MACROD2: variants seen among roughly 807,000 people sequenced by gnomAD.
MACROD2 encodes ADP-ribose glycohydrolase MACROD2.
In MACROD2, 36 loss-of-function variants were observed where a neutral mutation model predicts 70.4. The ratio of observed to expected loss-of-function variants is 0.51; its 90% CI spans 0.39 to 0.68. MACROD2 has a LOEUF of 0.68. Ranked by LOEUF, MACROD2 falls within the 30% of genes least tolerant of loss-of-function variation. The pLI, the probability that MACROD2 is intolerant of heterozygous loss-of-function variation, is 0.00. For missense variants in MACROD2, 496 were observed against 538.4 expected, an observed-to-expected ratio of 0.92 and a Z score of 0.78; for synonymous variants, 172 against 178.8, an observed-to-expected ratio of 0.96 and a Z score of 0.30.
At chr20:14,391,145 T>C (rs998228257) in intron 3 of MACROD2, among the ~76,000 whole-genome samples, 7 of 152,222 alleles carry the variant, frequency 4.6e-5, no homozygotes, top group African/African-American at 1.4e-4. Flanking sequence ...AAAATATCAG[T>C]TGTTCTGTTA....
chr20:14,058,390 A>G (rs1030365321), intron 2 of MACROD2, among the ~76,000 whole-genome samples: 2 of 151,906 alleles, frequency 1.3e-5, no homozygotes, highest in Non-Finnish European at 1.5e-5. Context: ...TCTCACATTC[A>G]GTCCTACCTC....
rs1026646821 is a variant in MACROD2, at chr20:15,196,321, C to T, written c.419-33619C>T. Among the ~76,000 whole-genome samples, 9 of 150,094 alleles carry T rather than the reference C, an allele frequency of 6.0e-5. No homozygotes were observed. The South Asian group carries it at 8.5e-4, about 14-fold the overall frequency. ...CTAAAAATATAACATACAAATATAA[C>T]AAGAACATACAACAAATGCATTATT... On this transcript the variant is annotated intron_variant, in intron 5 of 17. Coordinates refer to ENST00000684519, the MANE Select transcript of MACROD2 (RefSeq NM_001351661.2).
At chr20:15,033,272 A>G (rs2075289034) in intron 5 of MACROD2, among the ~76,000 whole-genome samples, 1 of 152,196 alleles carries the variant, frequency 6.6e-6, no homozygotes, top group Non-Finnish European at 1.5e-5. Flanking sequence ...CTTCATACTA[A>G]AACAGGTATC....
intron 8 of MACROD2, among the ~76,000 whole-genome samples, chr20:15,744,011 C>T (rs1281491115): frequency 6.6e-6 from 1 of 152,158 alleles, no homozygotes; most frequent in Non-Finnish European, 1.5e-5. Context: ...GGCCAATTGA[C>T]AACCCCCTTC....
chr20:14,169,913 A>C (rs551483987), intron 3 of MACROD2, among the ~76,000 whole-genome samples: 29 of 151,890 alleles, frequency 1.9e-4, no homozygotes, highest in African/African-American at 7.0e-4. Flanking sequence ...TATCCCCCCA[A>C]GACAGAGTCT....
intron 3 of MACROD2, among the ~76,000 whole-genome samples, chr20:14,128,756 C>T (rs1178799952): frequency 6.6e-6 from 1 of 152,136 alleles, no homozygotes; most frequent in Non-Finnish European, 1.5e-5. Flanking sequence ...AGCCAGTGCT[C>T]ATTCAACATT....
intron 8 of MACROD2, among the ~76,000 whole-genome samples, chr20:15,616,430 C>T (rs2049040320): frequency 6.6e-6 from 1 of 152,130 alleles, no homozygotes; most frequent in African/African-American, 2.4e-5. Context: ...TGATAACGTA[C>T]AGTCATATCA....
intron 6 of MACROD2, among the ~76,000 whole-genome samples, chr20:15,407,411 TC>T (rs1205291189): frequency 6.6e-6 from 1 of 152,204 alleles, no homozygotes; most frequent in African/African-American, 2.4e-5. Context: ...CTCTCACTTT[TC>T]TTCTTCACAG....
intron 13 of MACROD2, among the ~76,000 whole-genome samples, chr20:15,985,624 T>C (rs2066469316): frequency 6.6e-6 from 1 of 152,202 alleles, no homozygotes. Flanking sequence ...GGCAATTTCC[T>C]ACCCGGGAGT....
intron 3 of MACROD2, among the ~76,000 whole-genome samples, chr20:14,377,792 T>A (rs1464438731): frequency 6.6e-6 from 1 of 152,246 alleles, no homozygotes; most frequent in Admixed American, 6.5e-5. Context: ...CTTTATGTTG[T>A]TAATTCACTT....
chr20:14,803,844 G>T (rs546617131), intron 5 of MACROD2, among the ~76,000 whole-genome samples: 1 of 151,994 alleles, frequency 6.6e-6, no homozygotes, highest in Admixed American at 6.6e-5. Context: ...ACTTGGACAG[G>T]TAAATGGGCA....
At chr20:15,629,013 C>T (rs2049248862) in intron 8 of MACROD2, among the ~76,000 whole-genome samples, 1 of 152,168 alleles carries the variant, frequency 6.6e-6, no homozygotes, top group Non-Finnish European at 1.5e-5. Context: ...CATTCTACTA[C>T]TAATGGACAT....
chr20:15,206,082 G>A (rs2145936379), intron 5 of MACROD2, among the ~76,000 whole-genome samples: 2 of 152,282 alleles, frequency 1.3e-5, no homozygotes, highest in South Asian at 4.1e-4. Flanking sequence ...GTGTGTGTGT[G>A]ATGACAAGCA....
intron 5 of MACROD2, among the ~76,000 whole-genome samples, chr20:15,081,661 C>T (rs375115981): frequency 3.0e-4 from 45 of 152,182 alleles, no homozygotes; most frequent in African/African-American, 9.2e-4. Context: ...GAAGTTGACA[C>T]GCTATAACCA....
chr20:14,125,511 G>T (rs1345225730), intron 3 of MACROD2, among the ~76,000 whole-genome samples: 1 of 151,940 alleles, frequency 6.6e-6, no homozygotes, highest in African/African-American at 2.4e-5. Context: ...TAAACAAAAA[G>T]AAAAATTAGA....
chr20:15,239,972 A>G (rs2077046966), intron 6 of MACROD2, among the ~76,000 whole-genome samples: 1 of 152,166 alleles, frequency 6.6e-6, no homozygotes, highest in African/African-American at 2.4e-5. Flanking sequence ...TATCAGAAAG[A>G]CAGGGGCAAG....
At chr20:15,396,998 C>T (rs2045868317) in intron 6 of MACROD2, among the ~76,000 whole-genome samples, 1 of 152,158 alleles carries the variant, frequency 6.6e-6, no homozygotes, top group Admixed American at 6.5e-5. Context: ...CTCTGAATTT[C>T]CCATAGGGTT....
intron 8 of MACROD2, among the ~76,000 whole-genome samples, chr20:15,657,001 C>T (rs1006934171): frequency 6.6e-6 from 1 of 151,526 alleles, no homozygotes; most frequent in African/African-American, 2.4e-5. Context: ...TCTTCAATTG[C>T]TTGGTTTCCA....
chr20:15,350,069 G>T (rs1313305971), intron 6 of MACROD2, among the ~76,000 whole-genome samples: 1 of 152,186 alleles, frequency 6.6e-6, no homozygotes, highest in Admixed American at 6.5e-5. Context: ...TTTCAAAAAT[G>T]CATGTGAAGA....
Sources: allele counts gnomAD v4.1 joint callset (sites outside exome capture counted in the v4.1 genomes callset), GRCh38; gene constraint gnomAD v4.1.1; transcripts MANE v1.5; gene names NCBI Gene and HGNC (gene_info 2026-07-23, HGNC 2026-07-21).